Variants in LYRM4 observed in about 807,000 individuals in gnomAD.
LYRM4 encodes the protein LYR motif containing 4, also known as LYR motif-containing protein 4.
A neutral mutation model predicts 11.7 loss-of-function variants in LYRM4; 9 were observed. That is an observed-to-expected ratio of 0.77 (90% CI 0.46 to 1.34). The LOEUF (loss-of-function observed/expected upper bound fraction) is 1.34. Among genes scored for constraint, LYRM4 ranks in the 40% most tolerant of loss-of-function variants. LYRM4 has a pLI of 0.00. For missense variants in LYRM4, 133 were observed against 112.5 expected (o/e 1.18, Z -0.82); for synonymous variants, 42 against 40.4 (o/e 1.04, Z -0.15).
chr6:5,260,598 T>TGCCCCGG, intron 1 of LYRM4, 50 bp downstream of exon 1: 333 of 1,105,352 alleles, frequency 3.0e-4, no homozygotes, highest in Non-Finnish European at 3.8e-4. Flanking sequence ...GCACCCCCGG[T>TGCCCCGG]CCCCGGCCCC....
At chr6:5,086,256 G>T in the LYRM4 span, 1 of 1,535,570 alleles carries the variant, frequency 6.5e-7, no homozygotes, top group Non-Finnish European at 8.7e-7. Context: ...TTACCGAGTG[G>T]CGCTCCTTCC....
intron 2 of LYRM4, among the ~76,000 whole-genome samples, chr6:5,145,485 G>A (rs1757668891): frequency 6.6e-6 from 1 of 152,134 alleles, no homozygotes; most frequent in Non-Finnish European, 1.5e-5. Flanking sequence ...CGGAGTCAAC[G>A]CTCTTCATCA....
intron 2 of LYRM4, among the ~76,000 whole-genome samples, chr6:5,146,838 C>T (rs147727794): frequency 3.9e-5 from 6 of 152,270 alleles, no homozygotes; most frequent in South Asian, 2.1e-4. Flanking sequence ...GCCAGGAGGC[C>T]GGTCTGTGGG....
rs137952234 is a variant in LYRM4 at position 5,152,977 on chromosome 6, C to T, written c.208-43486G>A. Among the ~76,000 whole-genome samples the T allele has an allele frequency of 1.2e-3, 184 of 152,306 alleles. 1 individual carries two copies. The highest frequency in any genetic ancestry group is 4.3e-3 in the African/African-American group (178 of 41,562). On this transcript the variant is annotated intron_variant, in intron 2 of 2. Transcript: ENST00000330636. The stretch of plus-strand genomic sequence containing the variant: ...ATATCCTTAGTAGCATACTTAAGGC[C>T]GCTGGGCTTGCAGGTTCCTTAAATG...
rs145791615 is a variant in LYRM4, at chr6:5,209,458, T to C, written c.207+7160A>G. Among the ~76,000 whole-genome samples, 112 of 152,326 alleles carry C rather than the reference T, an allele frequency of 7.4e-4. 2 individuals carry two copies. The highest frequency in any genetic ancestry group is 2.6e-3 in the African/African-American group (106 of 41,564). Reference sequence around the variant, plus strand: ...CCAGCCTATTATTACTTTTTAAATATGTAGATTGATCCTTTGATTTAATCG... The same window carrying C: ...CCAGCCTATTATTACTTTTTAAATACGTAGATTGATCCTTTGATTTAATCG... On this transcript the variant is annotated intron_variant, in intron 2 of 2. Transcript: ENST00000330636.
At chr6:5,130,917 G>A (rs1208299940) in intron 2 of LYRM4, among the ~76,000 whole-genome samples, 1 of 152,020 alleles carries the variant, frequency 6.6e-6, no homozygotes, top group East Asian at 1.9e-4. Flanking sequence ...TAAAAATAAG[G>A]AAAAGAGAGA....
the LYRM4 span, among the ~76,000 whole-genome samples, chr6:5,079,527 C>T: frequency 6.6e-6 from 1 of 152,184 alleles, no homozygotes; most frequent in African/African-American, 2.4e-5. Context: ...GTTCTGATCC[C>T]CTTCAATTCC....
At chr6:5,052,966 G>A in the LYRM4 span, among the ~76,000 whole-genome samples, 2 of 152,088 alleles carry the variant, frequency 1.3e-5, no homozygotes, top group African/African-American at 4.8e-5. Flanking sequence ...GTTATTACTA[G>A]TGAAGACCAG....
At chr6:5,152,673 G>A (rs940321957) in intron 2 of LYRM4, among the ~76,000 whole-genome samples, 8 of 152,174 alleles carry the variant, frequency 5.3e-5, no homozygotes, top group African/African-American at 1.9e-4. Context: ...CTGAGCTGAT[G>A]CCTAGCTACT....
chr6:5,095,175 A>G, the LYRM4 span, among the ~76,000 whole-genome samples: 2 of 152,308 alleles, frequency 1.3e-5, no homozygotes, highest in East Asian at 1.9e-4. Context: ...GGTGCTCACA[A>G]TCGGGGAGAG....
the LYRM4 span, among the ~76,000 whole-genome samples, chr6:5,056,728 C>G: frequency 6.6e-6 from 1 of 152,150 alleles, no homozygotes; most frequent in Non-Finnish European, 1.5e-5. Flanking sequence ...AGATTTTAAC[C>G]TTAGCAATGC....
chr6:5,153,524 G>A (rs1364562397), intron 2 of LYRM4, among the ~76,000 whole-genome samples: 1 of 152,150 alleles, frequency 6.6e-6, no homozygotes, highest in African/African-American at 2.4e-5. Flanking sequence ...GGTGTGACCG[G>A]GGGCAACTCA....
chr6:5,214,413 T>G (rs1019756842), intron 2 of LYRM4, among the ~76,000 whole-genome samples: 2 of 152,114 alleles, frequency 1.3e-5, no homozygotes, highest in African/African-American at 2.4e-5. Context: ...AGGAGTGCAA[T>G]GGAGGGCCTC....
chr6:5,254,190 C>T lies in LYRM4; in HGVS notation c.86+6458G>A, dbSNP rs9502283. On this transcript the variant is annotated intron_variant, in intron 1 of 2. Coordinates refer to ENST00000330636, the MANE Select transcript of LYRM4 (RefSeq NM_020408.6). ...CGGCCCAACTGTCTCCATAATGACC[C>T]TTGACTGCATGTCACAAAACCAACG... 2.7e-3 allele frequency among the ~76,000 whole-genome samples: 407 copies of T among 152,324 alleles called. 2 individuals carry two copies. The highest frequency in any genetic ancestry group is 9.5e-3 in the African/African-American group (394 of 41,562).
chr6:5,054,710 T>C, the LYRM4 span, among the ~76,000 whole-genome samples: 1 of 152,172 alleles, frequency 6.6e-6, no homozygotes, highest in East Asian at 1.9e-4. Context: ...CCTTCTACTG[T>C]CTTCCCTTTG....
At chr6:5,050,962 T>A in the LYRM4 span, among the ~76,000 whole-genome samples, 1 of 151,958 alleles carries the variant, frequency 6.6e-6, no homozygotes, top group Non-Finnish European at 1.5e-5. Flanking sequence ...ATGAACAAAA[T>A]GGAAATATCA....
intron 2 of LYRM4, among the ~76,000 whole-genome samples, chr6:5,178,461 T>A (rs1405509706): frequency 7.0e-6 from 1 of 143,412 alleles, no homozygotes. Context: ...TTTTTTTTTT[T>A]AATTAAGCTT....
At chr6:5,250,205 A>AT (rs1764366831) in intron 1 of LYRM4, among the ~76,000 whole-genome samples, 1 of 151,796 alleles carries the variant, frequency 6.6e-6, no homozygotes, top group African/African-American at 2.4e-5. Context: ...ATTTTATTAT[A>AT]TTTTACTATA....
the LYRM4 span, among the ~76,000 whole-genome samples, chr6:5,093,398 C>G: frequency 6.6e-6 from 1 of 152,246 alleles, no homozygotes; most frequent in Non-Finnish European, 1.5e-5. Context: ...GGGGATGGAA[C>G]GCCTGCCTTG....
Sources: allele counts gnomAD v4.1 joint callset (sites outside exome capture counted in the v4.1 genomes callset), GRCh38; gene constraint gnomAD v4.1.1; transcripts MANE v1.5; gene names NCBI Gene and HGNC (gene_info 2026-07-23, HGNC 2026-07-21).